The following VWA8 variants were observed in gnomAD, a reference collection of about 807,000 sequenced individuals.
The protein encoded by VWA8 is von Willebrand factor A domain containing 8, also known as von Willebrand factor A domain-containing protein 8.
VWA8 carries 221 observed loss-of-function variants against 241.5 expected under a neutral mutation model. The ratio of observed to expected loss-of-function variants is 0.91; its 90% CI spans 0.82 to 1.02. The LOEUF (loss-of-function observed/expected upper bound fraction) is 1.02, where lower values mean the gene tolerates loss of function less well. VWA8 is among the 50% of genes least tolerant of loss of function. The probability of loss-of-function intolerance (pLI) is 0.00; values close to 1 mark genes in which losing one functional copy is unlikely to be tolerated. For synonymous variants in VWA8, 852 were observed against 827.1 expected (o/e 1.03, Z -0.52); for missense variants, 2,322 against 2,328.7 (o/e 1.00, Z 0.06).
chr13:41,764,108 CA>C (rs149868090), intron 20 of VWA8, among the ~76,000 whole-genome samples: 1,749 of 152,252 alleles, frequency 0.011, 16 homozygotes, highest in Middle Eastern at 0.054. Flanking sequence ...TCCTTCCACC[CA>C]AACCTACTTT....
At chr13:41,934,185 G>A (rs1048971568) in intron 2 of VWA8, among the ~76,000 whole-genome samples, 3 of 148,374 alleles carry the variant, frequency 2.0e-5, no homozygotes, top group Non-Finnish European at 3.0e-5. Context: ...CTTTACAAAA[G>A]ATATAAAGAT....
chr13:41,731,264 C>T (rs889026747), intron 22 of VWA8, among the ~76,000 whole-genome samples: 2 of 151,856 alleles, frequency 1.3e-5, no homozygotes, highest in Admixed American at 6.6e-5. Context: ...GTGTCATGTG[C>T]GCAGAGGGAC....
chr13:41,607,425 T>C (rs1321216815), intron 39 of VWA8, among the ~76,000 whole-genome samples: 3 of 152,204 alleles, frequency 2.0e-5, no homozygotes, highest in Non-Finnish European at 4.4e-5. Flanking sequence ...GTATTTAGTT[T>C]CTGGCAGTCT....
intron 26 of VWA8, among the ~76,000 whole-genome samples, chr13:41,711,117 C>T (rs1373393737): frequency 6.6e-6 from 1 of 152,182 alleles, no homozygotes; most frequent in Non-Finnish European, 1.5e-5. Flanking sequence ...AAAACACAAT[C>T]TCAGCTACTT....
chr13:41,918,537 T>C lies in VWA8; in HGVS notation c.242-6369A>G, dbSNP rs551922074. Among the ~76,000 whole-genome samples the C allele has an allele frequency of 1.2e-4, 19 of 152,316 alleles. No homozygotes were observed. In the South Asian group the frequency reaches 3.5e-3, roughly 28 times the overall value. Reference sequence around the variant, plus strand: ...GAAACTAATACTGTGAGAATTAACATGAATGAAAATAGGGGTGAATATATA... The same window carrying C: ...GAAACTAATACTGTGAGAATTAACACGAATGAAAATAGGGGTGAATATATA... On this transcript the variant is annotated intron_variant, in intron 2 of 44. Coordinates refer to ENST00000379310, the MANE Select transcript of VWA8 (RefSeq NM_015058.2).
intron 21 of VWA8, among the ~76,000 whole-genome samples, chr13:41,758,372 ATATATATATATATATATATACGCTAG>A (rs1376980344): frequency 0.03 from 530 of 17,680 alleles, 31 homozygotes; most frequent in South Asian, 0.1. Flanking sequence ...ATACTAGCAT[ATATATATATATATATATATACGCTAG>A]TATATATATA....
intron 12 of VWA8, among the ~76,000 whole-genome samples, chr13:41,836,422 G>C (rs895243304): frequency 1.3e-5 from 2 of 152,064 alleles, no homozygotes; most frequent in Non-Finnish European, 2.9e-5. Context: ...GGAGTCTTTT[G>C]CTTGGGCCCA....
intron 27 of VWA8, 61 bp from the exon 28 acceptor site, chr13:41,701,591 T>A: frequency 1.4e-6 from 2 of 1,440,298 alleles, no homozygotes; most frequent in East Asian, 5.0e-5. Flanking sequence ...GTAGAAAAGC[T>A]AAAGTTCTTC....
At chr13:41,608,793 T>A (rs1241829916) in intron 39 of VWA8, among the ~76,000 whole-genome samples, 3 of 152,190 alleles carry the variant, frequency 2.0e-5, no homozygotes, top group African/African-American at 7.2e-5. Flanking sequence ...TCTATTTTAT[T>A]CATGTTTTAT....
At chr13:41,863,484 G>A (rs551691849) in intron 12 of VWA8, among the ~76,000 whole-genome samples, 48 of 113,194 alleles carry the variant, frequency 4.2e-4, no homozygotes, top group Non-Finnish European at 7.2e-4. Flanking sequence ...ATATATATTA[G>A]TTCTGTCTAT....
At chr13:41,697,468 C>T (rs972449686) in intron 29 of VWA8, among the ~76,000 whole-genome samples, 16 of 152,248 alleles carry the variant, frequency 1.1e-4, no homozygotes, top group African/African-American at 3.6e-4. Flanking sequence ...CTTTTTGGCA[C>T]CAGGGACCAG....
chr13:41,803,468 G>T (rs769241794), intron 17 of VWA8, among the ~76,000 whole-genome samples: 1 of 152,228 alleles, frequency 6.6e-6, no homozygotes, highest in Non-Finnish European at 1.5e-5. Flanking sequence ...CCATGTGGGT[G>T]GGGAGGCCTC....
intron 1 of VWA8, among the ~76,000 whole-genome samples, chr13:41,959,377 TC>T (rs1392107097): frequency 6.6e-6 from 1 of 151,368 alleles, no homozygotes; most frequent in Admixed American, 6.6e-5. Context: ...ATGCTATACT[TC>T]CACCTTTGAC....
intron 39 of VWA8, among the ~76,000 whole-genome samples, chr13:41,608,113 C>T (rs2044564214): frequency 6.6e-6 from 1 of 152,136 alleles, no homozygotes; most frequent in Non-Finnish European, 1.5e-5. Flanking sequence ...TAAGCCACCT[C>T]GAGCAGACTG....
chr13:41,646,693 C>A (rs552690552), intron 37 of VWA8, among the ~76,000 whole-genome samples: 1 of 152,294 alleles, frequency 6.6e-6, no homozygotes, highest in Non-Finnish European at 1.5e-5. Context: ...AAGAAATATG[C>A]CTGAAAGGCA....
chr13:41,756,274 A>T (rs896690254), intron 21 of VWA8, among the ~76,000 whole-genome samples: 2 of 151,826 alleles, frequency 1.3e-5, no homozygotes, highest in African/African-American at 4.8e-5. Context: ...CCTGCTTATA[A>T]AGATAATGGT....
At chr13:41,719,293 G>T in intron 26 of VWA8, 1 of 1,103,574 alleles carries the variant, frequency 9.1e-7, no homozygotes. Flanking sequence ...TGGATTATAC[G>T]AAATAGTAAT....
intron 17 of VWA8, among the ~76,000 whole-genome samples, chr13:41,803,471 G>T (rs1224424119): frequency 6.6e-6 from 1 of 152,204 alleles, no homozygotes; most frequent in Admixed American, 6.5e-5. Context: ...TGTGGGTGGG[G>T]AGGCCTCACA....
At chr13:41,645,769 T>G (rs1725011175) in intron 37 of VWA8, among the ~76,000 whole-genome samples, 1 of 152,194 alleles carries the variant, frequency 6.6e-6, no homozygotes, top group South Asian at 2.1e-4. Flanking sequence ...AATTTAGGAT[T>G]TGCACTTCAA....
Sources: allele counts gnomAD v4.1 joint callset (sites outside exome capture counted in the v4.1 genomes callset), GRCh38; gene constraint gnomAD v4.1.1; transcripts MANE v1.5; gene names NCBI Gene and HGNC (gene_info 2026-07-23, HGNC 2026-07-21).